Variants in CAMSAP1 observed in about 807,000 individuals in gnomAD.
CAMSAP1 encodes calmodulin regulated spectrin associated protein 1, also known as calmodulin-regulated spectrin-associated protein 1.
In CAMSAP1, 58 loss-of-function variants were observed where a neutral mutation model predicts 143.5. The observed-to-expected ratio is 0.40, with a 90% CI of 0.33 to 0.50. CAMSAP1 has a LOEUF of 0.50. Among genes scored for constraint, CAMSAP1 ranks in the 20% least tolerant of loss-of-function variants. The pLI is 0.45. For missense variants in CAMSAP1, 1,969 were observed against 2,115.7 expected (o/e 0.93, Z 1.36); for synonymous variants, 945 against 859.3 (o/e 1.10, Z -1.74).
intron 1 of CAMSAP1, among the ~76,000 whole-genome samples, chr9:135,896,768 T>C (rs1347980079): frequency 6.6e-6 from 1 of 152,198 alleles, no homozygotes; most frequent in African/African-American, 2.4e-5. Flanking sequence ...GTCTGAGTGT[T>C]TTCTGCCCCT....
rs779207295 is a variant in CAMSAP1 at position 135,817,996 on chromosome 9, C to G, written c.4252G>C (p.Gly1418Arg). ...CCTTACCGCTGAGAGGGTGTGCCCC[C>G]GGAATGAACGCTCTCGGGTTCTGTC... Reference protein sequence around the residue: ...ATTEPESVHSGGTPSQRVESM... With the variant: ...ATTEPESVHSRGTPSQRVESM... Residue 1418 changes from glycine to arginine, a missense_variant, in exon 14 of 17, where the codon GGG becomes CGG. Gly to Arg is a moderately radical substitution (Grantham distance 125). Around this residue, in one of 4 missense-constraint regions of CAMSAP1, gnomAD observed 1,390 missense variants for 1,420.8 expected, o/e 0.98. Coordinates refer to ENST00000389532, the MANE Select transcript of CAMSAP1 (RefSeq NM_015447.4). The G allele has an allele frequency of 1.5e-5, 24 of 1,613,906 alleles. No individual in the cohort carries two copies. Among genetic ancestry groups the G allele is most frequent in the Middle Eastern group, 1.7e-4 (1 of 6,060 alleles).
chr9:135,819,289 G>A, intron 11 of CAMSAP1, 143 bp from the exon 12 acceptor site: 2 of 1,186,140 alleles, frequency 1.7e-6, no homozygotes, highest in South Asian at 1.6e-5. Flanking sequence ...AACCGTTACA[G>A]ACTCTGAAAT....
rs367850014 is a variant in CAMSAP1, at chr9:135,822,193, T to C, written c.2468A>G (p.Gln823Arg). 6.2e-7 allele frequency: 1 copy of C among 1,613,960 alleles called. No individual in the cohort carries two copies. Among genetic ancestry groups the C allele is most frequent in the African/African-American group, 1.3e-5 (1 of 75,086 alleles). The part of the protein sequence containing the change: ...KMTSFAERKL[Q>R]RLNSCETKSS... Reference sequence around the variant, plus strand: ...CTTGGTCTCACAGCTGTTGAGTCTCTGGAGCTTCCTCTCCGCAAAGCTGGT... The same window carrying C: ...CTTGGTCTCACAGCTGTTGAGTCTCCGGAGCTTCCTCTCCGCAAAGCTGGT... Residue 823 changes from glutamine to arginine, a missense_variant, in exon 11 of 17, where the codon CAG becomes CGG. This residue lies in a region of CAMSAP1 where 1,390 missense variants were observed against 1,420.8 expected (regional missense o/e 0.98). Coordinates refer to ENST00000389532, the MANE Select transcript of CAMSAP1 (RefSeq NM_015447.4). The surrounding 1 kb of genome is among the most constrained non-coding windows in gnomAD (Gnocchi z 6.1).
At chr9:135,836,570 T>C (rs1836050898) in intron 7 of CAMSAP1, 1 of 973,412 alleles carries the variant, frequency 1.0e-6, no homozygotes, top group Non-Finnish European at 1.2e-6. Flanking sequence ...CAGACACACA[T>C]CACCACACAC....
At chr9:135,858,306 C>A (rs1837050010) in intron 5 of CAMSAP1, among the ~76,000 whole-genome samples, 1 of 151,550 alleles carries the variant, frequency 6.6e-6, no homozygotes, top group Admixed American at 6.6e-5. Flanking sequence ...GAAAACTGCC[C>A]TTCATTTCTC....
chr9:135,888,895 CGGAGCGCCA>C (rs921457272), intron 1 of CAMSAP1, among the ~76,000 whole-genome samples: 5 of 152,238 alleles, frequency 3.3e-5, no homozygotes, highest in African/African-American at 1.2e-4. Context: ...ACCTTGACAG[CGGAGCGCCA>C]GGTGCACAGA....
In CAMSAP1 at chr9:135,836,613, G is replaced by A. The variant is rs575821499; in HGVS notation, c.1046-9029C>T. Reference sequence around the variant, plus strand: ...CCATTCTGCAGCCACACATCGCCACGTACCTTCTACCCTGTTCTACAGACA... The same window carrying A: ...CCATTCTGCAGCCACACATCGCCACATACCTTCTACCCTGTTCTACAGACA... On this transcript the variant is annotated intron_variant, in intron 7 of 16. Transcript: ENST00000389532. 634 of 970,104 alleles carry A rather than the reference G, an allele frequency of 6.5e-4. 1 individual carries two copies. Among genetic ancestry groups the A allele is most frequent in the South Asian group, 2.4e-3 (50 of 20,852 alleles). 60.1% of individuals were successfully genotyped at this position (970,104 alleles called of 1,614,324 possible).
chr9:135,881,295 C>A (rs1289159252), intron 3 of CAMSAP1, among the ~76,000 whole-genome samples: 3 of 151,586 alleles, frequency 2.0e-5, no homozygotes, highest in Non-Finnish European at 4.4e-5. Context: ...GAGGTCAAGG[C>A]TGCAGTAAGC....
intron 5 of CAMSAP1, among the ~76,000 whole-genome samples, chr9:135,855,522 T>A (rs1836925599): frequency 6.7e-6 from 1 of 150,092 alleles, no homozygotes; most frequent in East Asian, 2.0e-4. Flanking sequence ...GCAGATTACC[T>A]GAGGTCAGGA....
intron 5 of CAMSAP1, among the ~76,000 whole-genome samples, chr9:135,857,967 T>C (rs908799880): frequency 4.6e-5 from 7 of 152,170 alleles, no homozygotes; most frequent in East Asian, 1.9e-4. Context: ...ACTGAGGGCA[T>C]GTGAGGAGAA....
At chr9:135,889,588 G>A (rs1588506824) in intron 1 of CAMSAP1, among the ~76,000 whole-genome samples, 1 of 152,346 alleles carries the variant, frequency 6.6e-6, no homozygotes, top group East Asian at 1.9e-4. Flanking sequence ...GCCACGTGCT[G>A]GTGAGGAGAG....
chr9:135,848,200 A>T (rs1836645416), intron 7 of CAMSAP1, among the ~76,000 whole-genome samples: 1 of 151,918 alleles, frequency 6.6e-6, no homozygotes, highest in South Asian at 2.1e-4. Context: ...ACAGAAGAAG[A>T]GTTGGGAAGG....
chr9:135,814,275 T>A (rs1053953917), intron 16 of CAMSAP1, among the ~76,000 whole-genome samples: 12 of 152,268 alleles, frequency 7.9e-5, no homozygotes, highest in Admixed American at 2.6e-4. Flanking sequence ...TATGTCACTT[T>A]AATTTTTACA....
intron 7 of CAMSAP1, among the ~76,000 whole-genome samples, chr9:135,847,496 T>C (rs1310036884): frequency 6.6e-6 from 1 of 151,708 alleles, no homozygotes; most frequent in Admixed American, 6.6e-5. Context: ...ATGTGGCACA[T>C]ATACACCATG....
intron 5 of CAMSAP1, among the ~76,000 whole-genome samples, chr9:135,852,700 C>T (rs1836823957): frequency 1.3e-5 from 2 of 152,182 alleles, no homozygotes; most frequent in Admixed American, 1.3e-4. Flanking sequence ...CAAAACCACA[C>T]TGTTTTTGGT....
At chr9:135,892,543 C>G (rs1479919482) in intron 1 of CAMSAP1, among the ~76,000 whole-genome samples, 2 of 151,436 alleles carry the variant, frequency 1.3e-5, no homozygotes, top group African/African-American at 4.9e-5. Flanking sequence ...TCTCTATAAA[C>G]AAATTTTTTC....
intron 5 of CAMSAP1, among the ~76,000 whole-genome samples, chr9:135,854,498 C>T (rs772983966): frequency 8.6e-5 from 13 of 150,888 alleles, no homozygotes; most frequent in Non-Finnish European, 1.5e-4. Context: ...GAGCAGGTCT[C>T]ACTCTGTCAT....
chr9:135,828,731 A>T (rs1835759198), intron 7 of CAMSAP1, among the ~76,000 whole-genome samples: 2 of 152,184 alleles, frequency 1.3e-5, no homozygotes, highest in South Asian at 4.2e-4. Context: ...TCTCTCTCTC[A>T]AGATGACATG....
Position 135,817,789 on chromosome 9 carries a change from C to G in CAMSAP1, c.4271+188G>C, listed in dbSNP as rs1002189443. ...ATAAGGTGAAGGCTGCCACGTTTAA[C>G]CAGCTGGGGAGCCCGTGTGAAGGGC... is the stretch of plus-strand genomic sequence containing the variant. On this transcript the variant is annotated intron_variant, in intron 14 of 16. Coordinates refer to ENST00000389532, the MANE Select transcript of CAMSAP1 (RefSeq NM_015447.4). The G allele has an allele frequency of 1.4e-5, 8 of 581,482 alleles. No homozygotes were observed. In the South Asian group the frequency reaches 1.4e-4, roughly 10 times the overall value. 36.0% of individuals were successfully genotyped at this position (581,482 alleles called of 1,614,324 possible). A position where few individuals can be genotyped will look rare whatever the true frequency, so the allele number is the denominator to read the frequency against.
Sources: gnomAD v4.1 joint callset for allele counts (sites outside exome capture counted in the v4.1 genomes callset) on GRCh38, gnomAD v4.1.1 for gene constraint, gnomAD v4.1.1 regional missense constraint, Gnocchi (gnomAD v3.1) non-coding constraint, MANE v1.5 for transcripts, NCBI Gene and HGNC (gene_info 2026-07-23, HGNC 2026-07-21) for gene names.